MAGI1: variants seen among roughly 807,000 people sequenced by gnomAD.
MAGI1 encodes membrane-associated guanylate kinase, WW and PDZ domain-containing protein 1.
MAGI1 carries 58 observed loss-of-function variants against 139.9 expected under a neutral mutation model. That is an observed-to-expected ratio of 0.41 (90% confidence interval 0.34 to 0.52). MAGI1 has a LOEUF of 0.52. Ranked by LOEUF, MAGI1 falls within the 20% of genes least tolerant of loss-of-function variation. MAGI1 has a pLI of 0.12. For missense variants in MAGI1, 1,874 were observed against 1,901.6 expected, an observed-to-expected ratio of 0.99 and a Z score of 0.27; for synonymous variants, 812 against 737.9, an observed-to-expected ratio of 1.10 and a Z score of -1.63.
chr3:65,530,683 A>G (rs2078626472), intron 2 of MAGI1, among the ~76,000 whole-genome samples: 1 of 143,524 alleles, frequency 7.0e-6, no homozygotes, highest in Non-Finnish European at 1.5e-5. Context: ...ACATATATAT[A>G]TACGTGTATA....
At chr3:65,929,150 C>T (rs1438917241) in intron 1 of MAGI1, among the ~76,000 whole-genome samples, 2 of 102,292 alleles carry the variant, frequency 2.0e-5, no homozygotes, top group East Asian at 8.5e-4. Context: ...GGAGACAATG[C>T]CGCAAAAAAA....
At chr3:65,540,511 A>C (rs1331582150) in intron 2 of MAGI1, among the ~76,000 whole-genome samples, 1 of 152,186 alleles carries the variant, frequency 6.6e-6, no homozygotes, top group Non-Finnish European at 1.5e-5. Context: ...TACATTTTAA[A>C]AATATAGGGG....
At chr3:65,830,130 G>A (rs1216119055) in intron 1 of MAGI1, among the ~76,000 whole-genome samples, 1 of 152,164 alleles carries the variant, frequency 6.6e-6, no homozygotes, top group Admixed American at 6.5e-5. Flanking sequence ...TCTTTAATAT[G>A]AAAGCCAGTG....
At chr3:65,554,297 T>C (rs890838157) in intron 2 of MAGI1, among the ~76,000 whole-genome samples, 7 of 152,134 alleles carry the variant, frequency 4.6e-5, no homozygotes, top group African/African-American at 1.7e-4. Flanking sequence ...AAAATAAACA[T>C]ATGATTCTAT....
intron 9 of MAGI1, among the ~76,000 whole-genome samples, chr3:65,438,557 G>A (rs983890402): frequency 6.6e-6 from 1 of 152,132 alleles, no homozygotes; most frequent in African/African-American, 2.4e-5. Context: ...AAGAGACTAA[G>A]GTAGATAACA....
intron 5 of MAGI1, among the ~76,000 whole-genome samples, chr3:65,463,279 A>G (rs1949941455): frequency 6.6e-6 from 1 of 152,178 alleles, no homozygotes. Flanking sequence ...ATGTTCCAAC[A>G]ATACCTAGTT....
At chr3:65,538,755 C>A (rs1453758753) in intron 2 of MAGI1, among the ~76,000 whole-genome samples, 1 of 152,138 alleles carries the variant, frequency 6.6e-6, no homozygotes, top group Admixed American at 6.5e-5. Flanking sequence ...AGACCCAGAG[C>A]AGACTCGTTT....
chr3:65,538,853 A>C (rs1266471137), intron 2 of MAGI1, among the ~76,000 whole-genome samples: 5 of 152,166 alleles, frequency 3.3e-5, no homozygotes. Context: ...AACTACCAAC[A>C]AACAGACACA....
At chr3:65,967,562 C>T (rs2064816882) in intron 1 of MAGI1, among the ~76,000 whole-genome samples, 1 of 152,222 alleles carries the variant, frequency 6.6e-6, no homozygotes, top group African/African-American at 2.4e-5. Context: ...AGCAGATGGG[C>T]TGTAAAACTG....
At chr3:65,592,539 T>C (rs1426254021) in intron 2 of MAGI1, among the ~76,000 whole-genome samples, 3 of 152,170 alleles carry the variant, frequency 2.0e-5, no homozygotes, top group Non-Finnish European at 4.4e-5. Context: ...AAGATGTCAA[T>C]TTCAGATGGG....
At chr3:65,668,013 A>C (rs1351634564) in intron 1 of MAGI1, among the ~76,000 whole-genome samples, 1 of 152,184 alleles carries the variant, frequency 6.6e-6, no homozygotes, top group Admixed American at 6.5e-5. Context: ...TAAATTAGTA[A>C]CATCAGGTTT....
chr3:65,455,221 C>G (rs932913880), intron 5 of MAGI1, among the ~76,000 whole-genome samples: 1 of 152,196 alleles, frequency 6.6e-6, no homozygotes, highest in Non-Finnish European at 1.5e-5. Context: ...TCCTGCAAAA[C>G]TATAGTATAC....
At chr3:65,538,752 G>A (rs1404497369) in intron 2 of MAGI1, among the ~76,000 whole-genome samples, 2 of 152,176 alleles carry the variant, frequency 1.3e-5, no homozygotes, top group East Asian at 1.9e-4. Context: ...GTCAGACCCA[G>A]AGCAGACTCG....
chr3:65,435,063 C>T (rs759453506), intron 10 of MAGI1, among the ~76,000 whole-genome samples: 1 of 152,138 alleles, frequency 6.6e-6, no homozygotes, highest in Non-Finnish European at 1.5e-5. Flanking sequence ...ACGAAGTGGA[C>T]CCTCATTGGA....
At chr3:65,725,460 T>C (rs2033500429) in intron 1 of MAGI1, among the ~76,000 whole-genome samples, 1 of 152,162 alleles carries the variant, frequency 6.6e-6, no homozygotes, top group Non-Finnish European at 1.5e-5. Context: ...TTGTTACATG[T>C]CTAACAAGAC....
intron 1 of MAGI1, among the ~76,000 whole-genome samples, chr3:65,867,477 G>A (rs2059769509): frequency 6.6e-6 from 1 of 152,192 alleles, no homozygotes; most frequent in African/African-American, 2.4e-5. Flanking sequence ...GCTCACGCCT[G>A]TAATCCTAGC....
At chr3:65,684,699 AT>A (rs1272568406) in intron 1 of MAGI1, among the ~76,000 whole-genome samples, 1 of 151,534 alleles carries the variant, frequency 6.6e-6, no homozygotes, top group African/African-American at 2.4e-5. Context: ...ACTTGGTAGG[AT>A]TTTTTTGGTT....
At chr3:65,509,916 T>C (rs1362915021) in intron 2 of MAGI1, among the ~76,000 whole-genome samples, 1 of 152,034 alleles carries the variant, frequency 6.6e-6, no homozygotes, top group Non-Finnish European at 1.5e-5. Context: ...CTGACAGCTT[T>C]GAAGAGAGGA....
intron 1 of MAGI1, among the ~76,000 whole-genome samples, chr3:65,663,964 C>T (rs1210646165): frequency 2.0e-5 from 3 of 152,210 alleles, no homozygotes; most frequent in African/African-American, 2.4e-5. Flanking sequence ...TATGTCAAGT[C>T]GTGTTGACAG....
Sources: allele counts gnomAD v4.1 joint callset (sites outside exome capture counted in the v4.1 genomes callset), GRCh38; gene constraint gnomAD v4.1.1; transcripts MANE v1.5; gene names NCBI Gene and HGNC (gene_info 2026-07-23, HGNC 2026-07-21).